SNTG1: variants seen among roughly 807,000 people sequenced by gnomAD.
The protein encoded by SNTG1 is syntrophin gamma 1.
Under a neutral mutation model 74.7 loss-of-function variants are expected in SNTG1, and 39 were observed. That is an observed-to-expected ratio of 0.52 (90% confidence interval 0.40 to 0.68). The LOEUF (loss-of-function observed/expected upper bound fraction) is 0.68. Among genes scored for constraint, SNTG1 ranks in the 30% least tolerant of loss-of-function variants. The probability of loss-of-function intolerance (pLI) is 0.00; values close to 1 mark genes in which losing one functional copy is unlikely to be tolerated. For missense variants in SNTG1, 685 were observed against 609.5 expected, an observed-to-expected ratio of 1.12 and a Z score of -1.30; for synonymous variants, 254 against 217.1, an observed-to-expected ratio of 1.17 and a Z score of -1.49.
Position 50,762,697 on chromosome 8 carries a change from A to G in SNTG1, c.1395+10586A>G, listed in dbSNP as rs73678691. 5.9e-3 allele frequency: 2,865 copies of G among 482,656 alleles called. 61 individuals carry two copies. Among genetic ancestry groups the G allele is most frequent in the African/African-American group, 0.05 (2,558 of 50,998 alleles). 29.9% of individuals were successfully genotyped at this position (482,656 alleles called of 1,614,324 possible). A position where few individuals can be genotyped will look rare whatever the true frequency, so the allele number is the denominator to read the frequency against. On this transcript the variant is annotated intron_variant, in intron 18 of 18. Transcript: ENST00000642720. Reference sequence around the variant, plus strand: ...GACCTGTCTTCTACCCGAAGAGACCATGGAGATTAGGCCCAGTCTTGTGCT... The same window carrying G: ...GACCTGTCTTCTACCCGAAGAGACCGTGGAGATTAGGCCCAGTCTTGTGCT...
chr8:50,094,514 T>A (rs971388488), intron 1 of SNTG1, among the ~76,000 whole-genome samples: 8 of 151,864 alleles, frequency 5.3e-5, no homozygotes, highest in Non-Finnish European at 2.9e-5. Context: ...TATTAAAAAA[T>A]GAGCAATGGA....
At chr8:50,545,677 A>G (rs2094382264) in intron 11 of SNTG1, among the ~76,000 whole-genome samples, 1 of 152,016 alleles carries the variant, frequency 6.6e-6, no homozygotes, top group South Asian at 2.1e-4. Context: ...ACACTATGAA[A>G]ATCGATAATA....
chr8:50,181,217 A>G (rs1829444059), intron 2 of SNTG1, among the ~76,000 whole-genome samples: 1 of 151,786 alleles, frequency 6.6e-6, no homozygotes, highest in Non-Finnish European at 1.5e-5. Context: ...ACTTAATCTG[A>G]CTCATGTCCT....
intron 8 of SNTG1, among the ~76,000 whole-genome samples, chr8:50,501,392 C>G (rs2093951345): frequency 8.8e-6 from 1 of 113,062 alleles, no homozygotes; most frequent in Admixed American, 1.1e-4. Context: ...AGTTGTACTT[C>G]TTGGGGAGGA....
At chr8:50,094,147 T>C (rs1349272601) in intron 1 of SNTG1, among the ~76,000 whole-genome samples, 1 of 151,870 alleles carries the variant, frequency 6.6e-6, no homozygotes, top group African/African-American at 2.4e-5. Context: ...TAGGAAGAAG[T>C]AGATAAGTAG....
intron 17 of SNTG1, among the ~76,000 whole-genome samples, chr8:50,751,048 T>C (rs1197158559): frequency 6.6e-6 from 1 of 152,080 alleles, no homozygotes; most frequent in Non-Finnish European, 1.5e-5. Flanking sequence ...TATTTGACTA[T>C]ATCAGCTATG....
chr8:50,411,504 G>A (rs2092948859), intron 4 of SNTG1, among the ~76,000 whole-genome samples: 1 of 151,760 alleles, frequency 6.6e-6, no homozygotes, highest in Non-Finnish European at 1.5e-5. Context: ...AAAACAGAAG[G>A]AGGAAGGGAA....
intron 1 of SNTG1, among the ~76,000 whole-genome samples, chr8:49,970,285 AC>A (rs1811541176): frequency 6.6e-6 from 1 of 152,140 alleles, no homozygotes; most frequent in Non-Finnish European, 1.5e-5. Context: ...GTTTATGCCC[AC>A]TGGGTAGTGC....
chr8:50,331,121 A>G (rs1489731880), intron 2 of SNTG1, among the ~76,000 whole-genome samples: 1 of 152,118 alleles, frequency 6.6e-6, no homozygotes, highest in Non-Finnish European at 1.5e-5. Flanking sequence ...GTGTGTGTGT[A>G]TGTGCACATT....
intron 15 of SNTG1, among the ~76,000 whole-genome samples, chr8:50,680,398 G>A (rs533510295): frequency 6.6e-6 from 1 of 152,188 alleles, no homozygotes; most frequent in South Asian, 2.1e-4. Context: ...TTGACTTAGG[G>A]GCATATAGCT....
intron 2 of SNTG1, among the ~76,000 whole-genome samples, chr8:50,383,544 T>A (rs1440997404): frequency 6.6e-6 from 1 of 152,222 alleles, no homozygotes; most frequent in Non-Finnish European, 1.5e-5. Context: ...TTTTTGCAGC[T>A]GATCATGTGG....
At chr8:50,282,920 A>T (rs1336168148) in intron 2 of SNTG1, among the ~76,000 whole-genome samples, 3 of 152,202 alleles carry the variant, frequency 2.0e-5, no homozygotes, top group Admixed American at 6.5e-5. Flanking sequence ...TTATTATTGA[A>T]CTCATGCAAA....
chr8:49,989,065 C>T (rs1445685580), intron 1 of SNTG1, among the ~76,000 whole-genome samples: 2 of 151,698 alleles, frequency 1.3e-5, no homozygotes, highest in African/African-American at 4.8e-5. Flanking sequence ...ATCACCTGTA[C>T]CCTATAAATA....
rs1047591196 is a variant in SNTG1 at position 50,536,730 on chromosome 8, A to G, written c.602A>G (p.Lys201Arg). 1.9e-5 allele frequency: 30 copies of G among 1,613,884 alleles called. No individual in the cohort carries two copies. Among genetic ancestry groups the G allele is most frequent in the Non-Finnish European group, 2.5e-5 (29 of 1,179,880 alleles). Reference protein sequence around the residue: ...WPTSPGLRWEKRWCDLRLIPL... With the variant: ...WPTSPGLRWERRWCDLRLIPL... ...ACGTCTCCAGGCTTGAGGTGGGAGA[A>G]GCGATGGTGCGACCTCAGACTGATC... Residue 201 changes from lysine to arginine, a missense_variant, in exon 11 of 19, where the codon AAG becomes AGG. By Grantham distance (26) the Lys-to-Arg change is conservative (BLOSUM62 2). Coordinates refer to ENST00000642720, the MANE Select transcript of SNTG1 (RefSeq NM_018967.5).
At chr8:50,326,924 A>C (rs373372022) in intron 2 of SNTG1, among the ~76,000 whole-genome samples, 1 of 151,986 alleles carries the variant, frequency 6.6e-6, no homozygotes, top group Admixed American at 6.6e-5. Context: ...TATTTTTAAT[A>C]TCTTTTGATC....
chr8:50,150,884 G>T (rs1586491644), intron 1 of SNTG1, among the ~76,000 whole-genome samples: 1 of 152,078 alleles, frequency 6.6e-6, no homozygotes, highest in African/African-American at 2.4e-5. Context: ...TTTTTGTTGT[G>T]TCTCTGCCAG....
At chr8:50,412,871 G>T (rs894145018) in intron 4 of SNTG1, among the ~76,000 whole-genome samples, 4 of 152,214 alleles carry the variant, frequency 2.6e-5, no homozygotes, top group African/African-American at 7.2e-5. Context: ...AAGGTGGGGT[G>T]CAAAGTGTAT....
At chr8:50,084,423 G>A (rs2131102189) in intron 1 of SNTG1, among the ~76,000 whole-genome samples, 1 of 152,224 alleles carries the variant, frequency 6.6e-6, no homozygotes, top group South Asian at 2.1e-4. Context: ...TCACACCACT[G>A]CACTCCAGCC....
chr8:50,337,210 A>G (rs2091171359), intron 2 of SNTG1, among the ~76,000 whole-genome samples: 1 of 152,250 alleles, frequency 6.6e-6, no homozygotes, highest in Non-Finnish European at 1.5e-5. Flanking sequence ...TTCTAATCAC[A>G]GAGAAAACCA....
Sources: allele counts gnomAD v4.1 joint callset (sites outside exome capture counted in the v4.1 genomes callset), GRCh38; gene constraint gnomAD v4.1.1; transcripts MANE v1.5; gene names NCBI Gene and HGNC (gene_info 2026-07-23, HGNC 2026-07-21).